The following PLCL2 variants were observed in gnomAD, a reference collection of about 807,000 sequenced individuals.
PLCL2 encodes the protein inactive phospholipase C-like protein 2.
A neutral mutation model predicts 79.6 loss-of-function variants in PLCL2; 4 were observed. That is an observed-to-expected ratio of 0.05 (90% CI 0.02 to 0.11). PLCL2 has a LOEUF of 0.11. Among genes scored for constraint, PLCL2 ranks in the 10% least tolerant of loss-of-function variants. PLCL2 has a pLI of 1.00. For missense variants in PLCL2, 895 were observed against 1,291.0 expected (o/e 0.69, Z 4.70); for synonymous variants, 484 against 457.7 (o/e 1.06, Z -0.73).
intron 1 of PLCL2, among the ~76,000 whole-genome samples, chr3:16,945,818 T>C (rs1042439454): frequency 1.4e-4 from 21 of 152,376 alleles, no homozygotes; most frequent in African/African-American, 4.8e-4. Context: ...TTCCACTTTA[T>C]GAATGAAGTA....
chr3:16,925,226 G>GTT (rs35171172), intron 1 of PLCL2, among the ~76,000 whole-genome samples: 1 of 144,696 alleles, frequency 6.9e-6, no homozygotes. Context: ...CCCGGCCAGG[G>GTT]TTTTTTTTTT....
intron 1 of PLCL2, among the ~76,000 whole-genome samples, chr3:16,968,339 G>C (rs983590391): frequency 2.6e-5 from 4 of 152,002 alleles, no homozygotes; most frequent in African/African-American, 7.3e-5. Flanking sequence ...GAATAGCATT[G>C]AATCTATAAA....
intron 1 of PLCL2, among the ~76,000 whole-genome samples, chr3:16,892,387 A>C (rs1696371036): frequency 6.6e-6 from 1 of 152,070 alleles, no homozygotes; most frequent in African/African-American, 2.4e-5. Context: ...TTCTGCTGTC[A>C]AAGTTTAAAA....
At chr3:16,988,548 T>C (rs1056607383) in intron 1 of PLCL2, among the ~76,000 whole-genome samples, 1 of 152,116 alleles carries the variant, frequency 6.6e-6, no homozygotes, top group Non-Finnish European at 1.5e-5. Context: ...CAGTGGACAG[T>C]GGCATCGGTT....
chr3:17,064,595 T>A (rs994604113), intron 4 of PLCL2, among the ~76,000 whole-genome samples: 15 of 152,066 alleles, frequency 9.9e-5, no homozygotes, highest in African/African-American at 3.6e-4. Context: ...AAAGTCAAGG[T>A]GAGAACCCTT....
intron 1 of PLCL2, among the ~76,000 whole-genome samples, chr3:16,995,333 G>C (rs2064142934): frequency 6.6e-6 from 1 of 152,232 alleles, no homozygotes; most frequent in African/African-American, 2.4e-5. Flanking sequence ...CAGGTGGTGA[G>C]TTGTATTTGC....
intron 4 of PLCL2, among the ~76,000 whole-genome samples, chr3:17,051,756 C>G (rs541493385): frequency 1.3e-5 from 2 of 152,284 alleles, no homozygotes; most frequent in Admixed American, 1.3e-4. Flanking sequence ...ACATGGAGGC[C>G]TGAACAACAA....
intron 1 of PLCL2, among the ~76,000 whole-genome samples, chr3:16,962,435 TC>T (rs1553639321): frequency 6.6e-6 from 1 of 151,398 alleles, no homozygotes. Context: ...TTTTTTTTTT[TC>T]CCCAAGGACC....
chr3:17,039,630 T>C (rs1559528393), intron 3 of PLCL2, among the ~76,000 whole-genome samples: 1 of 152,204 alleles, frequency 6.6e-6, no homozygotes, highest in Non-Finnish European at 1.5e-5. Flanking sequence ...TCATCTCTGC[T>C]GAGGTCTGGA....
chr3:16,916,110 C>T (rs955334227), intron 1 of PLCL2, among the ~76,000 whole-genome samples: 1 of 152,116 alleles, frequency 6.6e-6, no homozygotes, highest in Non-Finnish European at 1.5e-5. Context: ...TTGTTGCAGA[C>T]GACAGCCGAC....
chr3:16,989,143 G>A (rs2064079991), intron 1 of PLCL2, among the ~76,000 whole-genome samples: 1 of 152,104 alleles, frequency 6.6e-6, no homozygotes, highest in Admixed American at 6.6e-5. Flanking sequence ...TTTTAAAGGT[G>A]TAAGACCTAC....
At chr3:17,063,667 T>C (rs2064979552) in intron 4 of PLCL2, among the ~76,000 whole-genome samples, 1 of 152,064 alleles carries the variant, frequency 6.6e-6, no homozygotes. Context: ...CTCTGACAAG[T>C]TCCCCCAGAC....
At chr3:16,910,144 T>C (rs1350756210) in intron 1 of PLCL2, among the ~76,000 whole-genome samples, 2 of 152,210 alleles carry the variant, frequency 1.3e-5, no homozygotes, top group Non-Finnish European at 2.9e-5. Flanking sequence ...TGAGATTTCT[T>C]TCATATTTTC....
chr3:16,945,394 C>T (rs1391294622), intron 1 of PLCL2, among the ~76,000 whole-genome samples: 1 of 152,100 alleles, frequency 6.6e-6, no homozygotes, highest in Admixed American at 6.6e-5. Context: ...ATTATAAGTG[C>T]CCTGAAGGGT....
Position 17,011,707 on chromosome 3 carries a change from C to A in PLCL2, c.2361C>A (p.Ile787=), listed in dbSNP as rs1330684583. The change falls in exon 2 of 6, where the codon ATC becomes ATA. Residue 787 remains isoleucine, a synonymous_variant. Coordinates refer to ENST00000615277, the MANE Select transcript of PLCL2 (RefSeq NM_001144382.2). The surrounding 1 kb of genome is among the most constrained non-coding windows in gnomAD (Gnocchi z 7.9). ...TAGATCCTTATGTCTATGTTGAAATCCATGGAATCCCTGCTGATTGTGCAG... is the reference window on the plus strand; with the variant it reads ...TAGATCCTTATGTCTATGTTGAAATACATGGAATCCCTGCTGATTGTGCAG... ...DVVDPYVYVE[I]HGIPADCAEQ... The A allele has an allele frequency of 6.2e-7, 1 of 1,614,086 alleles. No individual in the cohort carries two copies. Among genetic ancestry groups the A allele is most frequent in the South Asian group, 1.1e-5 (1 of 91,084 alleles).
chr3:16,963,801 T>C (rs2124972179), intron 1 of PLCL2, among the ~76,000 whole-genome samples: 1 of 151,796 alleles, frequency 6.6e-6, no homozygotes, highest in Non-Finnish European at 1.5e-5. Context: ...TTTTTTTTTC[T>C]CAAGTCACCC....
intron 5 of PLCL2, among the ~76,000 whole-genome samples, chr3:17,073,316 A>G (rs943373319): frequency 1.1e-4 from 16 of 152,226 alleles, no homozygotes; most frequent in Non-Finnish European, 2.1e-4. Context: ...AATGTAGTCT[A>G]TTAAGTGTGC....
intron 1 of PLCL2, among the ~76,000 whole-genome samples, chr3:16,980,899 C>G (rs7645276): frequency 2.0e-5 from 3 of 152,032 alleles, no homozygotes; most frequent in Non-Finnish European, 4.4e-5. Context: ...CTCGGGAGGC[C>G]GAGGCTGGCG....
intron 4 of PLCL2, among the ~76,000 whole-genome samples, chr3:17,055,478 GTC>G (rs1258141780): frequency 1.3e-5 from 2 of 152,102 alleles, no homozygotes; most frequent in Non-Finnish European, 2.9e-5. Flanking sequence ...AGAAACCGCT[GTC>G]TCACCACACC....
Sources: gnomAD v4.1 joint callset for allele counts (sites outside exome capture counted in the v4.1 genomes callset) on GRCh38, gnomAD v4.1.1 for gene constraint, Gnocchi (gnomAD v3.1) non-coding constraint, MANE v1.5 for transcripts, NCBI Gene and HGNC (gene_info 2026-07-23, HGNC 2026-07-21) for gene names.